BTNL9: variants seen among roughly 807,000 people sequenced by gnomAD.
BTNL9 encodes the protein butyrophilin like 9.
BTNL9 carries 45 observed loss-of-function variants against 45.8 expected under a neutral mutation model. That is an observed-to-expected ratio of 0.98 (90% CI 0.77 to 1.26). The LOEUF (loss-of-function observed/expected upper bound fraction) is 1.26. BTNL9 is among the 50% of genes most tolerant of loss of function. The pLI, the probability that BTNL9 is intolerant of heterozygous loss-of-function variation, is 0.00. For missense variants in BTNL9, 784 were observed against 729.7 expected, an observed-to-expected ratio of 1.07 and a Z score of -0.86; for synonymous variants, 346 against 330.8, an observed-to-expected ratio of 1.05 and a Z score of -0.50.
chr5:181,055,323 T>A lies in BTNL9; in HGVS notation c.908-110T>A. ...AGCTGTAAAAAAAAAAAAATGAAGC[T>A]GTGATTAGCAGTGGCTTAAGACTAA... is the stretch of plus-strand genomic sequence containing the variant. On this transcript the variant is annotated intron_variant, in intron 7 of 10. Transcript: ENST00000327705. This position sits in a 1 kb window ranked among gnomAD's most constrained non-coding sequence, Gnocchi z 4.4. The A allele has an allele frequency of 6.4e-7, 1 of 1,567,648 alleles. No homozygotes were observed. The highest frequency in any genetic ancestry group is 2.0e-5 in the Admixed American group (1 of 49,260).
At chr5:181,058,406 G>A in intron 10 of BTNL9, 28 bp downstream of exon 10, 2 of 1,614,128 alleles carry the variant, frequency 1.2e-6, no homozygotes, top group Non-Finnish European at 1.7e-6. Context: ...ACTGATTTGT[G>A]TTTTGGTTTG....
chr5:181,045,822 T>C (rs6601164), intron 2 of BTNL9, among the ~76,000 whole-genome samples: 4,205 of 50,636 alleles, frequency 0.083, 62 homozygotes, highest in Middle Eastern at 0.12. Flanking sequence ...CCACCATCTC[T>C]CCAGCCCTCA....
Position 181,056,026 on chromosome 5 carries a change from C to T in BTNL9, c.955+11C>T. On this transcript the variant is annotated intron_variant, in intron 9 of 10. Transcript: ENST00000327705. ...CTGAAGGCCAGGCTGGTGAGTGGAA[C>T]CCATCTCTCTCTGACTCCTCCTCAT... 1.2e-6 allele frequency: 2 copies of T among 1,614,060 alleles called. No homozygotes were observed. Among genetic ancestry groups the T allele is most frequent in the African/African-American group, 2.7e-5 (2 of 75,042 alleles).
chr5:181,050,469 C>G lies in BTNL9; in HGVS notation c.736+100C>G. The G allele has an allele frequency of 7.1e-7, 1 of 1,400,766 alleles. No homozygotes were observed. Among genetic ancestry groups the G allele is most frequent in the Non-Finnish European group, 9.8e-7 (1 of 1,015,576 alleles). The allele number at this position is 1,400,766 out of a possible 1,614,324, so 86.8% of individuals were successfully genotyped here. On this transcript the variant is annotated intron_variant, in intron 4 of 10. Transcript: ENST00000327705. This position sits in a 1 kb window ranked among gnomAD's most constrained non-coding sequence, Gnocchi z 4.9. The stretch of plus-strand genomic sequence containing the variant: ...AAAGACACAATGGTACTGCGCCTGT[C>G]TGCATATAGGGTGTGTTGGCCTTGA...
At chr5:181,049,753 A>G (rs1761432793) in intron 3 of BTNL9, among the ~76,000 whole-genome samples, 1 of 152,136 alleles carries the variant, frequency 6.6e-6, no homozygotes, top group Non-Finnish European at 1.5e-5. Flanking sequence ...AAGAGTCACA[A>G]CTCTAATTAT....
At chr5:181,049,113 T>C (rs1235832403) in intron 3 of BTNL9, among the ~76,000 whole-genome samples, 1 of 151,706 alleles carries the variant, frequency 6.6e-6, no homozygotes, top group Non-Finnish European at 1.5e-5. Flanking sequence ...ACTATGTTAG[T>C]GGAATTCAAA....
Position 181,042,370 on chromosome 5 carries a change from ACCT to A in BTNL9, c.-24+1943_-24+1945del, listed in dbSNP as rs774404300. On this transcript the variant is annotated intron_variant, in intron 1 of 10. Transcript: ENST00000327705. This position sits in a 1 kb window ranked among gnomAD's most constrained non-coding sequence, Gnocchi z 4.5. ...GTCCCTTACTCCTTCCCCAGGCAAA[ACCT>A]CCTCACCAGGAACAACCTGAAATCA... is the stretch of plus-strand genomic sequence containing the variant. 6.6e-5 allele frequency among the ~76,000 whole-genome samples: 10 copies of A among 151,994 alleles called. No homozygotes were observed. The highest frequency in any genetic ancestry group is 1.3e-4 in the Non-Finnish European group (9 of 68,000).
At position 181,059,412 on chromosome 5, in the gene BTNL9, G is replaced by A; in HGVS notation, c.1158G>A (p.Trp386Ter). The change falls in exon 11 of 11, where the codon TGG becomes TGA. Residue 386 changes from tryptophan to a stop codon, truncating the protein, a stop_gained. Coordinates refer to ENST00000327705, the MANE Select transcript of BTNL9 (RefSeq NM_152547.5). LOFTEE classifies it low-confidence loss of function (END_TRUNC). The stretch of plus-strand genomic sequence containing the variant: ...GGTTCTCCGCCGGCCGCCACTACTG[G>A]GAGGTGCACGTGGGCCGCCGCAGCC... Reference protein sequence around the residue: ...LERFSAGRHYWEVHVGRRSRW... With the variant: ...LERFSAGRHY 2 of 1,506,032 alleles carry A rather than the reference G, an allele frequency of 1.3e-6. No homozygotes were observed. The highest frequency in any genetic ancestry group is 8.8e-7 in the Non-Finnish European group (1 of 1,130,988). 93.3% of individuals were successfully genotyped at this position (1,506,032 alleles called of 1,614,324 possible). A position where few individuals can be genotyped will look rare whatever the true frequency, so the allele number is the denominator to read the frequency against.
intron 1 of BTNL9, among the ~76,000 whole-genome samples, chr5:181,041,973 C>T (rs1027737275): frequency 2.6e-5 from 4 of 151,978 alleles, no homozygotes; most frequent in Non-Finnish European, 1.5e-5. Context: ...AGTAGCAAAG[C>T]AAAAAGTACT....
rs1464774248 is a variant in BTNL9 at position 181,060,324 on chromosome 5, A to G, written c.*462A>G. On this transcript the variant is annotated 3_prime_UTR_variant, in exon 11 of 11. Coordinates refer to ENST00000327705, the MANE Select transcript of BTNL9 (RefSeq NM_152547.5). ...TAAGGCTCAGATCCTAGTTTTAAAA[A>G]CCATTTCCCATTAAAATGAAGTTGG... 1 of 153,988 alleles carries G rather than the reference A, an allele frequency of 6.5e-6. No homozygotes were observed. The highest frequency in any genetic ancestry group is 1.4e-5 in the Non-Finnish European group (1 of 69,396). 9.5% of individuals were successfully genotyped at this position (153,988 alleles called of 1,614,324 possible). A position where few individuals can be genotyped will look rare whatever the true frequency, so the allele number is the denominator to read the frequency against.
At chr5:181,056,808 C>T in intron 9 of BTNL9, 1 of 558,260 alleles carries the variant, frequency 1.8e-6, no homozygotes, top group Admixed American at 3.4e-5. Flanking sequence ...ACCAGCATTC[C>T]AAGTTTGCCA....
chr5:181,055,353 G>T lies in BTNL9; in HGVS notation c.908-80G>T. ...TTAGCAGTGGCTTAAGACTAAGGAA[G>T]CTCTTCCCAGTGGCCTGTCTTGGGA... On this transcript the variant is annotated intron_variant, in intron 7 of 10. Coordinates refer to ENST00000327705, the MANE Select transcript of BTNL9 (RefSeq NM_152547.5). The surrounding 1 kb of genome is among the most constrained non-coding windows in gnomAD (Gnocchi z 4.4). 2 of 1,612,118 alleles carry T rather than the reference G, an allele frequency of 1.2e-6. No homozygotes were observed. Among genetic ancestry groups the T allele is most frequent in the Non-Finnish European group, 1.7e-6 (2 of 1,179,312 alleles).
chr5:181,056,450 T>A (rs1171369962), intron 9 of BTNL9: 1 of 683,112 alleles, frequency 1.5e-6, no homozygotes, highest in African/African-American at 1.8e-5. Flanking sequence ...TCTGTGATGT[T>A]CCTTGCTTTT....
intron 1 of BTNL9, among the ~76,000 whole-genome samples, chr5:181,041,323 A>G (rs1381050873): frequency 6.6e-6 from 1 of 152,254 alleles, no homozygotes; most frequent in African/African-American, 2.4e-5. Flanking sequence ...TGTCAGGAAG[A>G]TAGTGTTAAG....
intron 4 of BTNL9, among the ~76,000 whole-genome samples, chr5:181,052,102 C>T (rs1399055632): frequency 6.6e-6 from 1 of 152,188 alleles, no homozygotes; most frequent in African/African-American, 2.4e-5. Context: ...CTTCAGACAC[C>T]ATCTGTTGTG....
At position 181,053,656 on chromosome 5, in the gene BTNL9, G is replaced by A; in HGVS notation, c.886+155G>A. 6.5e-7 allele frequency: 1 copy of A among 1,535,410 alleles called. No homozygotes were observed. Among genetic ancestry groups the A allele is most frequent in the African/African-American group, 1.4e-5 (1 of 72,662 alleles). On this transcript the variant is annotated intron_variant, in intron 6 of 10. Transcript: ENST00000327705. The surrounding 1 kb of genome is among the most constrained non-coding windows in gnomAD (Gnocchi z 6.5). The stretch of plus-strand genomic sequence containing the variant: ...GATCGGTGACCCCGGTGGGGAAGGG[G>A]GAAGATCGTTCATATGGACAAAAGC...
In BTNL9 at chr5:181,043,970, C is replaced by T. The variant is rs561168826; in HGVS notation, c.-23-1497C>T. Among the ~76,000 whole-genome samples the T allele has an allele frequency of 1.3e-3, 202 of 152,366 alleles. 1 individual carries two copies. The highest frequency in any genetic ancestry group is 4.4e-3 in the African/African-American group (184 of 41,588). ...TAACTGAGAGGTGTCAACACGGCCC[C>T]GCTTCGGGGGGACCCCACCTCCTGT... On this transcript the variant is annotated intron_variant, in intron 1 of 10. Transcript: ENST00000327705.
At chr5:181,044,710 C>T (rs1760994714) in intron 1 of BTNL9, among the ~76,000 whole-genome samples, 1 of 152,176 alleles carries the variant, frequency 6.6e-6, no homozygotes, top group African/African-American at 2.4e-5. Context: ...ATTAGTGGGT[C>T]CCAAGGGAGC....
rs1305676079 is a variant in BTNL9, at chr5:181,053,201, C to T, written c.738C>T (p.Asp246=). Residue 246 remains aspartate (D), a splice_region_variant and synonymous_variant, in exon 5 of 11, where the codon GAC becomes GAT. Coordinates refer to ENST00000327705, the MANE Select transcript of BTNL9 (RefSeq NM_152547.5). The surrounding 1 kb of genome is among the most constrained non-coding windows in gnomAD (Gnocchi z 6.5). ...QKKELVVQIA[D]VFVPGASAWK... The stretch of plus-strand genomic sequence containing the variant: ...ACGGCCCCCGCGGGTGTTTTCCAGA[C>T]GTGTTCGTACCCGGAGCCTCTGCGT... The T allele has an allele frequency of 2.5e-6, 4 of 1,578,470 alleles. No individual in the cohort carries two copies. Among genetic ancestry groups the T allele is most frequent in the East Asian group, 4.9e-5 (2 of 40,438 alleles).
Sources: allele counts gnomAD v4.1 joint callset (sites outside exome capture counted in the v4.1 genomes callset), GRCh38; gene constraint gnomAD v4.1.1; non-coding constraint Gnocchi (gnomAD v3.1); transcripts MANE v1.5; gene names NCBI Gene and HGNC (gene_info 2026-07-23, HGNC 2026-07-21).